Variants in GSE1 observed in about 807,000 individuals in gnomAD.
The protein encoded by GSE1 is genetic suppressor element 1.
Under a neutral mutation model 112.6 loss-of-function variants are expected in GSE1, and 32 were observed. That is an observed-to-expected ratio of 0.28 (90% confidence interval 0.21 to 0.38). The LOEUF (loss-of-function observed/expected upper bound fraction) is 0.38, where lower values mean the gene tolerates loss of function less well. GSE1 is among the 10% of genes least tolerant of loss of function. The pLI is 1.00. For missense variants in GSE1, 2,348 were observed against 1,699.2 expected (o/e 1.38, Z -6.71); for synonymous variants, 1,115 against 735.6 (o/e 1.52, Z -8.35).
intron 2 of GSE1, among the ~76,000 whole-genome samples, chr16:85,519,352 C>T (rs1237528892): frequency 3.0e-4 from 31 of 103,914 alleles, no homozygotes; most frequent in Admixed American, 1.7e-3. Flanking sequence ...CCATCACTAT[C>T]ATCATCACCA....
chr16:85,395,540 C>A (rs558733168), intron 2 of GSE1, among the ~76,000 whole-genome samples: 2 of 152,350 alleles, frequency 1.3e-5, no homozygotes, highest in Non-Finnish European at 2.9e-5. Flanking sequence ...CCTGGAAACA[C>A]CCTCCCAGCA....
At chr16:85,650,629 G>A (rs908162534) in intron 3 of GSE1, among the ~76,000 whole-genome samples, 6 of 152,188 alleles carry the variant, frequency 3.9e-5, no homozygotes, top group East Asian at 1.9e-4. Context: ...CGACAGGCCC[G>A]CCCCAGCAGT....
rs188960023 is a variant in GSE1, at chr16:85,173,328, C to T, written c.2283+1521C>T. ...ATTCTGCCCTTTCTCTTGCTAAGTA[C>T]CTGTGAGTTAGTTTCTTATCCTGGT... On this transcript the variant is annotated intron_variant, in intron 1 of 2. Coordinates refer to the GSE1 transcript ENST00000637419. Among the ~76,000 whole-genome samples the T allele has an allele frequency of 5.6e-4, 86 of 152,300 alleles. 2 individuals carry two copies. In the East Asian group the frequency reaches 0.016, roughly 28 times the overall value.
intron 1 of GSE1, among the ~76,000 whole-genome samples, chr16:85,597,092 C>T (rs1312464224): frequency 6.6e-6 from 1 of 151,948 alleles, no homozygotes; most frequent in Non-Finnish European, 1.5e-5. Context: ...ATCCTCCCTG[C>T]CTCAGCCTCC....
chr16:85,319,666 T>C (rs2151496256), intron 1 of GSE1, among the ~76,000 whole-genome samples: 1 of 152,316 alleles, frequency 6.6e-6, no homozygotes, highest in South Asian at 2.1e-4. Context: ...GCCTCCAGCA[T>C]TAGTTCACTC....
At chr16:85,514,968 C>G (rs964966340) in intron 2 of GSE1, among the ~76,000 whole-genome samples, 1 of 151,930 alleles carries the variant, frequency 6.6e-6, no homozygotes, top group East Asian at 1.9e-4. Context: ...TGCATGTGAG[C>G]GTGCATGCAT....
At chr16:85,316,903 A>T (rs2045997740) in intron 1 of GSE1, among the ~76,000 whole-genome samples, 1 of 151,988 alleles carries the variant, frequency 6.6e-6, no homozygotes, top group African/African-American at 2.4e-5. Flanking sequence ...GAGTGGAAAA[A>T]CTGAGTGGGC....
intron 1 of GSE1, among the ~76,000 whole-genome samples, chr16:85,583,183 C>T (rs115689905): frequency 2.4e-3 from 362 of 152,256 alleles, no homozygotes; most frequent in Middle Eastern, 0.014. Context: ...CCTGTTCCCC[C>T]GATTACAAGG....
In GSE1 at chr16:85,602,827, C is replaced by T. The variant is rs78431704; in HGVS notation, c.38-45725C>T. On this transcript the variant is annotated intron_variant, in intron 1 of 2. Coordinates refer to the GSE1 transcript ENST00000635906. The stretch of plus-strand genomic sequence containing the variant: ...GTGGAAGTGTACTCACTGCTGCCAG[C>T]GATGTACCCGGTTACAGGGGCTGCC... Among the ~76,000 whole-genome samples, 905 of 152,348 alleles carry T rather than the reference C, an allele frequency of 5.9e-3. 62 individuals are homozygous for T. The East Asian group carries it at 0.14, about 23-fold the overall frequency.
rs547999215 is a variant in GSE1, at chr16:85,262,758, G to A, written c.2283+90951G>A. Among the ~76,000 whole-genome samples, 92 of 152,230 alleles carry A rather than the reference G, an allele frequency of 6.0e-4. 5 individuals are homozygous for A. Among genetic ancestry groups the A allele is most frequent in the Non-Finnish European group, 2.1e-4 (14 of 68,044 alleles). On this transcript the variant is annotated intron_variant, in intron 1 of 2. Coordinates refer to the GSE1 transcript ENST00000637419. ...CAGCCCAGTTTCCTCATCCGAAATT[G>A]GGTATGGGAGTGATGCTTGCTCCGT...
At chr16:85,335,537 G>A (rs756736602) in intron 1 of GSE1, among the ~76,000 whole-genome samples, 17 of 152,210 alleles carry the variant, frequency 1.1e-4, no homozygotes, top group Non-Finnish European at 1.0e-4. Context: ...GTGCTGGGGC[G>A]TGGGTTTGTG....
intron 2 of GSE1, among the ~76,000 whole-genome samples, chr16:85,528,455 G>A (rs980627542): frequency 3.3e-5 from 5 of 151,306 alleles, no homozygotes; most frequent in African/African-American, 1.2e-4. Context: ...GGGACTACAG[G>A]TGTGTGCACC....
intron 1 of GSE1, among the ~76,000 whole-genome samples, chr16:85,264,852 C>G (rs1428625614): frequency 6.6e-6 from 1 of 152,274 alleles, no homozygotes; most frequent in East Asian, 1.9e-4. Flanking sequence ...GCTGAGTCCT[C>G]GCATTTGGAG....
intron 2 of GSE1, among the ~76,000 whole-genome samples, chr16:85,408,322 G>A (rs199815388): frequency 6.7e-5 from 1 of 14,886 alleles, no homozygotes; most frequent in Non-Finnish European, 1.1e-4. Flanking sequence ...TTACACTCAG[G>A]GCCCCCCGGA....
chr16:85,615,543 G>A (rs2048320143), intron 1 of GSE1, among the ~76,000 whole-genome samples: 1 of 152,136 alleles, frequency 6.6e-6, no homozygotes, highest in Non-Finnish European at 1.5e-5. Flanking sequence ...GGGCGGTGCC[G>A]GGCCAGAGCT....
chr16:85,304,134 C>T (rs1368398325), intron 1 of GSE1, among the ~76,000 whole-genome samples: 1 of 152,226 alleles, frequency 6.6e-6, no homozygotes. Context: ...GCCCAGTGGC[C>T]TTTCTGCACC....
chr16:85,350,005 C>G (rs2046822250), intron 1 of GSE1, among the ~76,000 whole-genome samples: 1 of 152,210 alleles, frequency 6.6e-6, no homozygotes, highest in Non-Finnish European at 1.5e-5. Flanking sequence ...ACATGCTGGC[C>G]TGCATTCTCG....
chr16:85,229,251 G>A (rs187272760), intron 1 of GSE1, among the ~76,000 whole-genome samples: 1 of 152,352 alleles, frequency 6.6e-6, no homozygotes, highest in African/African-American at 2.4e-5. Flanking sequence ...TCGGGTTGAG[G>A]GGGTGGCCCT....
rs376070459 is a variant in GSE1 at position 85,637,053 on chromosome 16, C to T, written c.226+2921C>T. Among the ~76,000 whole-genome samples the T allele has an allele frequency of 6.6e-5, 10 of 152,356 alleles. No homozygotes were observed. The East Asian group carries it at 7.7e-4, about 12-fold the overall frequency. On this transcript the variant is annotated intron_variant, in intron 2 of 15. Coordinates refer to ENST00000253458, the MANE Select transcript of GSE1 (RefSeq NM_014615.5). ...ATTTTTTTAGTTACAATTCACATGC[C>T]ATAAAATTCACCCTGTAGAAGCGCA...
Sources: allele counts gnomAD v4.1 joint callset (sites outside exome capture counted in the v4.1 genomes callset), GRCh38; gene constraint gnomAD v4.1.1; transcripts MANE v1.5; gene names NCBI Gene and HGNC (gene_info 2026-07-23, HGNC 2026-07-21).